The following BASP1 variants were observed in gnomAD, a reference collection of about 807,000 sequenced individuals.
BASP1 encodes brain abundant membrane attached signal protein 1.
In BASP1, 1 loss-of-function variant was observed where a neutral mutation model predicts 2.2. The observed-to-expected ratio is 0.46, with a 90% CI of 0.16 to 2.17. The LOEUF (loss-of-function observed/expected upper bound fraction) is 2.17. Among genes scored for constraint, BASP1 ranks in the 30% most tolerant of loss-of-function variants. The pLI is 0.27. For missense variants in BASP1, 352 were observed against 327.2 expected (o/e 1.08, Z -0.58); for synonymous variants, 187 against 154.2 (o/e 1.21, Z -1.58).
intron 1 of BASP1, among the ~76,000 whole-genome samples, chr5:17,227,561 C>T (rs2731801): frequency 0.56 from 84,675 of 151,890 alleles, 24,314 homozygotes; most frequent in African/African-American, 0.7. Flanking sequence ...CCACTATGCC[C>T]GGCTAATTTT....
intron 1 of BASP1, among the ~76,000 whole-genome samples, chr5:17,264,523 C>T (rs370643121): frequency 4.6e-5 from 7 of 152,342 alleles, no homozygotes; most frequent in African/African-American, 1.4e-4. Context: ...CAAGGGTACA[C>T]AGTTAATGTG....
rs770970822 is a variant in BASP1 at position 17,275,843 on chromosome 5, C to T, written c.627C>T (p.Pro209=). 5.6e-6 allele frequency: 9 copies of T among 1,606,044 alleles called. No individual in the cohort carries two copies. The highest frequency in any genetic ancestry group is 7.6e-6 in the Non-Finnish European group (9 of 1,176,932). The stretch of plus-strand genomic sequence containing the variant: ...GCCCCGCAGCCTCTGCAGAAGAGCC[C>T]AAGCCGGTGGAGGCCCCGGCAGCTA... ...AQGPAASAEE[P]KPVEAPAANS... The change falls in exon 2 of 2, where the codon CCC becomes CCT. Residue 209 remains proline, a synonymous_variant. Transcript: ENST00000322611. The surrounding 1 kb of genome is among the most constrained non-coding windows in gnomAD (Gnocchi z 5.3).
chr5:17,238,933 C>A lies in BASP1; in HGVS notation c.-10+21123C>A, dbSNP rs562546307. On this transcript the variant is annotated intron_variant, in intron 1 of 1. Coordinates refer to ENST00000322611, the MANE Select transcript of BASP1 (RefSeq NM_006317.5). ...GAGGACTTCCCAGCTGTCTGATCAA[C>A]GGGTAGGAAAGGACAGTTGGTTCAG... Among the ~76,000 whole-genome samples, 124 of 152,272 alleles carry A rather than the reference C, an allele frequency of 8.1e-4. 1 individual carries two copies. The highest frequency in any genetic ancestry group is 1.4e-3 in the Non-Finnish European group (95 of 68,018).
intron 1 of BASP1, among the ~76,000 whole-genome samples, chr5:17,241,608 G>A (rs1023693273): frequency 3.3e-5 from 5 of 152,208 alleles, no homozygotes; most frequent in African/African-American, 9.7e-5. Context: ...TCCAGTTTGA[G>A]TAATGTTCCT....
chr5:17,272,230 A>G (rs954112118), intron 1 of BASP1, among the ~76,000 whole-genome samples: 1 of 152,140 alleles, frequency 6.6e-6, no homozygotes, highest in African/African-American at 2.4e-5. Context: ...TATTCCCTCA[A>G]CACCTGAGTT....
At chr5:17,257,514 A>G (rs1187342472) in intron 1 of BASP1, among the ~76,000 whole-genome samples, 3 of 152,196 alleles carry the variant, frequency 2.0e-5, no homozygotes, top group Non-Finnish European at 2.9e-5. Flanking sequence ...TACTGTGTGT[A>G]GTGAGCTGAA....
At chr5:17,248,956 C>T (rs1740046623) in intron 1 of BASP1, among the ~76,000 whole-genome samples, 1 of 152,184 alleles carries the variant, frequency 6.6e-6, no homozygotes, top group Non-Finnish European at 1.5e-5. Flanking sequence ...TAACCATCAA[C>T]ACACACTCCC....
At chr5:17,234,695 G>T (rs1579484937) in intron 1 of BASP1, among the ~76,000 whole-genome samples, 1 of 152,158 alleles carries the variant, frequency 6.6e-6, no homozygotes, top group Non-Finnish European at 1.5e-5. Context: ...GCTTACAGTG[G>T]GTGAAGGCAA....
At chr5:17,228,443 T>C (rs953752369) in intron 1 of BASP1, among the ~76,000 whole-genome samples, 12 of 152,258 alleles carry the variant, frequency 7.9e-5, no homozygotes, top group Admixed American at 5.2e-4. Context: ...TAAGTTGTTA[T>C]GTTTAACTTA....
At chr5:17,257,740 G>C (rs1363590519) in intron 1 of BASP1, among the ~76,000 whole-genome samples, 1 of 152,110 alleles carries the variant, frequency 6.6e-6, no homozygotes, top group Admixed American at 6.6e-5. Flanking sequence ...AGTTCCGCTT[G>C]AACTAAAAGA....
rs142907901 is a variant in BASP1 at position 17,258,575 on chromosome 5, C to T, written c.-9-16633C>T. ...TAAATTTCACTCCCAATATTAGACA[C>T]GTTATACAGAAACATTGGCAAATAA... On this transcript the variant is annotated intron_variant, in intron 1 of 1. Coordinates refer to ENST00000322611, the MANE Select transcript of BASP1 (RefSeq NM_006317.5). 2.7e-3 allele frequency among the ~76,000 whole-genome samples: 404 copies of T among 152,246 alleles called. 1 individual carries two copies. The highest frequency in any genetic ancestry group is 4.5e-3 in the Non-Finnish European group (307 of 68,016).
chr5:17,274,148 A>G (rs1740581142), intron 1 of BASP1, among the ~76,000 whole-genome samples: 1 of 152,236 alleles, frequency 6.6e-6, no homozygotes, highest in Non-Finnish European at 1.5e-5. Flanking sequence ...CGGCAGCCTT[A>G]AGACAGTTGT....
At position 17,275,368 on chromosome 5, in the gene BASP1, CCAAGGAGGG is replaced by C; in HGVS notation, c.160_168del (p.Gly54_Glu56del). ...CAGGCGGCCGCAGAGCCCGCCGAGG[CCAAGGAGGG>C]CAAGGAGAAGCCCGACCAGGACGCC... is the stretch of plus-strand genomic sequence containing the variant. On this transcript the variant is annotated inframe_deletion, in exon 2 of 2. Coordinates refer to ENST00000322611, the MANE Select transcript of BASP1 (RefSeq NM_006317.5). The surrounding 1 kb of genome is among the most constrained non-coding windows in gnomAD (Gnocchi z 5.3). 6.2e-7 allele frequency: 1 copy of C among 1,600,180 alleles called. No individual in the cohort carries two copies. Among genetic ancestry groups the C allele is most frequent in the Non-Finnish European group, 8.5e-7 (1 of 1,173,726 alleles).
intron 1 of BASP1, among the ~76,000 whole-genome samples, chr5:17,264,405 AC>A (rs1740376056): frequency 1.3e-5 from 2 of 152,098 alleles, no homozygotes; most frequent in East Asian, 3.9e-4. Flanking sequence ...TGTAGATGCA[AC>A]TCAGTTGTAA....
At chr5:17,267,956 A>G (rs1350454630) in intron 1 of BASP1, among the ~76,000 whole-genome samples, 2 of 151,364 alleles carry the variant, frequency 1.3e-5, no homozygotes, top group Non-Finnish European at 2.9e-5. Context: ...TTCAGGGTGT[A>G]AGATGATATA....
intron 1 of BASP1, among the ~76,000 whole-genome samples, chr5:17,222,726 C>G (rs1256364742): frequency 6.6e-6 from 1 of 152,078 alleles, no homozygotes; most frequent in Non-Finnish European, 1.5e-5. Context: ...AAAATTATTT[C>G]TTAATGTTTT....
intron 1 of BASP1, among the ~76,000 whole-genome samples, chr5:17,228,222 C>T (rs1463345981): frequency 6.6e-6 from 1 of 152,182 alleles, no homozygotes; most frequent in East Asian, 1.9e-4. Flanking sequence ...TTTATTTCTG[C>T]CATCCAGACA....
At chr5:17,243,026 C>A (rs1739899382) in intron 1 of BASP1, among the ~76,000 whole-genome samples, 1 of 152,016 alleles carries the variant, frequency 6.6e-6, no homozygotes, top group Non-Finnish European at 1.5e-5. Flanking sequence ...GAAACCAGAT[C>A]ATGTGTGTAA....
At chr5:17,262,534 C>G (rs1201141725) in intron 1 of BASP1, among the ~76,000 whole-genome samples, 1 of 152,162 alleles carries the variant, frequency 6.6e-6, no homozygotes, top group Non-Finnish European at 1.5e-5. Flanking sequence ...GATGAGATAG[C>G]TAATGAGTTG....
Sources: gnomAD v4.1 joint callset for allele counts (sites outside exome capture counted in the v4.1 genomes callset) on GRCh38, gnomAD v4.1.1 for gene constraint, Gnocchi (gnomAD v3.1) non-coding constraint, MANE v1.5 for transcripts, NCBI Gene and HGNC (gene_info 2026-07-23, HGNC 2026-07-21) for gene names.